The following IFIT5 variants were observed in gnomAD, a reference collection of about 807,000 sequenced individuals.
IFIT5 encodes the protein interferon-induced protein with tetratricopeptide repeats 5.
IFIT5 carries 2 observed loss-of-function variants against 5.0 expected under a neutral mutation model. The ratio of observed to expected loss-of-function variants is 0.40; its 90% CI spans 0.16 to 1.26. The LOEUF (loss-of-function observed/expected upper bound fraction) is 1.26, where lower values mean the gene tolerates loss of function less well. Ranked by LOEUF, IFIT5 falls within the 50% of genes most tolerant of loss-of-function variation. The pLI is 0.33. For missense variants in IFIT5, 524 were observed against 563.2 expected (o/e 0.93, Z 0.70); for synonymous variants, 206 against 204.6 (o/e 1.01, Z -0.06).
chr10:89,415,009 G>A (rs909193377), intron 1 of IFIT5, among the ~76,000 whole-genome samples: 9 of 152,178 alleles, frequency 5.9e-5, no homozygotes, highest in Admixed American at 2.0e-4. Context: ...GCCGGGGAGG[G>A]TGGCCGAGTG....
rs1000206130 is a variant in IFIT5 at position 89,420,849 on chromosome 10, T to A, written c.*2201T>A. 1 of 152,208 alleles carries A rather than the reference T, an allele frequency of 6.6e-6. No homozygotes were observed. Among genetic ancestry groups the A allele is most frequent in the Non-Finnish European group, 1.5e-5 (1 of 68,036 alleles). The allele number at this position is 152,208 out of a possible 1,614,324, so 9.4% of individuals were successfully genotyped here. A position where few individuals can be genotyped will look rare whatever the true frequency, so the allele number is the denominator to read the frequency against. ...AAAGTTTGGGAGCTACTGATGGACA[T>A]GTGAAAAGTAAGTATAAATGGAATA... is the stretch of plus-strand genomic sequence containing the variant. On this transcript the variant is annotated 3_prime_UTR_variant, in exon 2 of 2. Transcript: ENST00000371795.
rs920114660 is a variant in IFIT5, at chr10:89,417,987, A to G, written c.788A>G (p.Asn263Ser). ...RYAAKFYRRKNSWNKALELLK... is the reference protein window; with the variant it reads ...RYAAKFYRRKSSWNKALELLK... ...GCAGCCAAGTTCTATAGGAGAAAAA[A>G]TTCCTGGAACAAAGCTCTCGAACTT... The change falls in exon 2 of 2, where the codon AAT (asparagine) becomes AGT (serine). Residue 263 changes from asparagine (N) to serine (S), a missense_variant. Asn to Ser is a conservative substitution (Grantham distance 46). Coordinates refer to ENST00000371795, the MANE Select transcript of IFIT5 (RefSeq NM_012420.3). 6.2e-7 allele frequency: 1 copy of G among 1,614,070 alleles called. No homozygotes were observed. The highest frequency in any genetic ancestry group is 1.3e-5 in the African/African-American group (1 of 74,920).
At chr10:89,415,475 C>G (rs746854121) in intron 1 of IFIT5, among the ~76,000 whole-genome samples, 40 of 152,358 alleles carry the variant, frequency 2.6e-4, no homozygotes, top group Non-Finnish European at 1.0e-4. Flanking sequence ...GGAGCTACCT[C>G]TGTACCAAGC....
rs1841572022 is a variant in IFIT5, at chr10:89,418,901, C to T, written c.*253C>T. 6 of 310,728 alleles carry T rather than the reference C, an allele frequency of 1.9e-5. No homozygotes were observed. The Admixed American group carries it at 2.3e-4, about 12-fold the overall frequency. 19.2% of individuals were successfully genotyped at this position (310,728 alleles called of 1,614,324 possible). On this transcript the variant is annotated 3_prime_UTR_variant, in exon 2 of 2. Coordinates refer to ENST00000371795, the MANE Select transcript of IFIT5 (RefSeq NM_012420.3). ...AGCAATATTCTAGCTATTGTAACTT[C>T]TAAAAATGGTATGGCCATTAGATCT...
At chr10:89,415,369 G>A (rs1841525070) in intron 1 of IFIT5, among the ~76,000 whole-genome samples, 1 of 152,212 alleles carries the variant, frequency 6.6e-6, no homozygotes. Flanking sequence ...CCTCGGTGTG[G>A]CATACGCGGT....
rs893026697 is a variant in IFIT5 at position 89,417,224 on chromosome 10, T to G, written c.25T>G (p.Leu9Val). Residue 9 changes from leucine to valine, a missense_variant, in exon 2 of 2, where the codon TTG becomes GTG. Leu to Val is a conservative substitution (Grantham distance 32). Transcript: ENST00000371795. MSEIRKDT[L>V]KAILLELECH... The stretch of plus-strand genomic sequence containing the variant: ...TGACAGTGAAATTCGTAAGGACACC[T>G]TGAAGGCCATTCTGTTGGAGTTAGA... 1 of 1,602,052 alleles carries G rather than the reference T, an allele frequency of 6.2e-7. No individual in the cohort carries two copies.
chr10:89,415,204 G>C (rs923396365), intron 1 of IFIT5, among the ~76,000 whole-genome samples: 2 of 152,208 alleles, frequency 1.3e-5, no homozygotes, highest in African/African-American at 2.4e-5. Flanking sequence ...GGCTCTTCTC[G>C]GCAGCGGCGA....
Position 89,417,941 on chromosome 10 carries a change from C to A in IFIT5, c.742C>A (p.Gln248Lys). ...IEEILDQISS[Q>K]PYVLRYAAKF... ...AGAAATCCTGGACCAAATATCATCC[C>A]AGCCTTACGTCCTTCGTTATGCAGC... is the stretch of plus-strand genomic sequence containing the variant. The change falls in exon 2 of 2, where the codon CAG becomes AAG. Residue 248 changes from glutamine to lysine, a missense_variant. Coordinates refer to ENST00000371795, the MANE Select transcript of IFIT5 (RefSeq NM_012420.3). The A allele has an allele frequency of 6.2e-7, 1 of 1,614,164 alleles. No homozygotes were observed. Among genetic ancestry groups the A allele is most frequent in the Admixed American group, 1.7e-5 (1 of 60,022 alleles).
chr10:89,414,579 G>A lies in IFIT5; in HGVS notation c.-220G>A. On this transcript the variant is annotated 5_prime_UTR_variant, in exon 1 of 2. Transcript: ENST00000371795. ...ATTTCTTAAGTTTCAGTTTCTGAGC[G>A]CTCGGCATCTGATTCAATCTCCAGT... 2.2e-6 allele frequency: 1 copy of A among 461,312 alleles called. No homozygotes were observed. The highest frequency in any genetic ancestry group is 3.8e-6 in the Non-Finnish European group (1 of 264,038). 28.6% of individuals were successfully genotyped at this position (461,312 alleles called of 1,614,324 possible).
In IFIT5 at chr10:89,417,452, C is replaced by A. The variant is rs1841551214; in HGVS notation, c.253C>A (p.His85Asn). 4 of 1,614,186 alleles carry A rather than the reference C, an allele frequency of 2.5e-6. No individual in the cohort carries two copies. The highest frequency in any genetic ancestry group is 1.6e-4 in the Middle Eastern group (1 of 6,062). ...AGCAGAAGAAATAATCCAGCAAGAA[C>A]ACTCAGACAAAGAAGAAGTACGAAG... ...EQAEEIIQQE[H>N]SDKEEVRSLV... Residue 85 changes from histidine (H) to asparagine (N), a missense_variant, in exon 2 of 2, where the codon CAC becomes AAC. Physicochemically the swap from His to Asn is moderately conservative, Grantham distance 68. Coordinates refer to ENST00000371795, the MANE Select transcript of IFIT5 (RefSeq NM_012420.3).
In IFIT5 at chr10:89,418,727, A is replaced by T; in HGVS notation, c.*79A>T. 1 of 1,387,918 alleles carries T rather than the reference A, an allele frequency of 7.2e-7. No individual in the cohort carries two copies. The highest frequency in any genetic ancestry group is 9.8e-7 in the Non-Finnish European group (1 of 1,022,052). The allele number at this position is 1,387,918 out of a possible 1,614,324, so 86.0% of individuals were successfully genotyped here. A position where few individuals can be genotyped will look rare whatever the true frequency, so the allele number is the denominator to read the frequency against. The stretch of plus-strand genomic sequence containing the variant: ...TGTTTGTTTTTTTTTTATTATTTTA[A>T]TCCCTTGTTTATTATAGAGCTAATA... On this transcript the variant is annotated 3_prime_UTR_variant, in exon 2 of 2. Coordinates refer to ENST00000371795, the MANE Select transcript of IFIT5 (RefSeq NM_012420.3).
At chr10:89,414,841 G>T (rs755464189) in intron 1 of IFIT5, 38 bp downstream of exon 1, 1 of 1,603,978 alleles carries the variant, frequency 6.2e-7, no homozygotes, top group Non-Finnish European at 8.5e-7. Flanking sequence ...CAAGCCCTGC[G>T]TCGGCCTTGG....
At chr10:89,415,685 G>A (rs1436966793) in intron 1 of IFIT5, among the ~76,000 whole-genome samples, 1 of 152,194 alleles carries the variant, frequency 6.6e-6, no homozygotes, top group Non-Finnish European at 1.5e-5. Flanking sequence ...GGCTCTAAAA[G>A]CAGATAGTCC....
At position 89,417,444 on chromosome 10, in the gene IFIT5, A is replaced by G. The variant is rs1195972705; in HGVS notation, c.245A>G (p.Gln82Arg). ...TTGGAACAAGCAGAAGAAATAATCC[A>G]GCAAGAACACTCAGACAAAGAAGAA... ...ECLEQAEEII[Q>R]QEHSDKEEVR... Residue 82 changes from glutamine to arginine, a missense_variant, in exon 2 of 2, where the codon CAG becomes CGG. Transcript: ENST00000371795. 1 of 1,614,134 alleles carries G rather than the reference A, an allele frequency of 6.2e-7. No individual in the cohort carries two copies. The highest frequency in any genetic ancestry group is 1.3e-5 in the African/African-American group (1 of 74,952).
Position 89,417,254 on chromosome 10 carries a change from C to T in IFIT5, c.55C>T (p.His19Tyr), listed in dbSNP as rs1310055969. Residue 19 changes from histidine (H) to tyrosine (Y), a missense_variant, in exon 2 of 2, where the codon CAT becomes TAT. Coordinates refer to ENST00000371795, the MANE Select transcript of IFIT5 (RefSeq NM_012420.3). ...GGCCATTCTGTTGGAGTTAGAATGT[C>T]ATTTTACATGGAATTTACTTAAGGA... ...LKAILLELEC[H>Y]FTWNLLKEDI... The T allele has an allele frequency of 6.2e-7, 1 of 1,611,866 alleles. No individual in the cohort carries two copies. The highest frequency in any genetic ancestry group is 1.1e-5 in the South Asian group (1 of 90,966).
rs1417571809 is a variant in IFIT5, at chr10:89,419,124, G to C, written c.*476G>C. On this transcript the variant is annotated 3_prime_UTR_variant, in exon 2 of 2. Coordinates refer to ENST00000371795, the MANE Select transcript of IFIT5 (RefSeq NM_012420.3). ...GTTTTGACTTTGATGAGGATATTTA[G>C]CTATCAATCTAATAGTCACCTAAAA... The C allele has an allele frequency of 6.6e-6, 1 of 152,444 alleles. No individual in the cohort carries two copies. Among genetic ancestry groups the C allele is most frequent in the Non-Finnish European group, 1.5e-5 (1 of 68,252 alleles). 9.4% of individuals were successfully genotyped at this position (152,444 alleles called of 1,614,324 possible).
rs777262908 is a variant in IFIT5, at chr10:89,418,204, T to C, written c.1005T>C (p.Ser335=). The C allele has an allele frequency of 1.9e-6, 3 of 1,614,082 alleles. No individual in the cohort carries two copies. The highest frequency in any genetic ancestry group is 2.5e-6 in the Non-Finnish European group (3 of 1,180,022). Residue 335 remains serine (S), a synonymous_variant, in exon 2 of 2, where the codon TCT becomes TCC. Coordinates refer to ENST00000371795, the MANE Select transcript of IFIT5 (RefSeq NM_012420.3). ...TCAAAGCAGCCATGGAACGAGACTC[T>C]ATGTTTGCATTTGCCTACACAGACC... ...FHFKAAMERD[S]MFAFAYTDLA...
chr10:89,417,881 G>T lies in IFIT5; in HGVS notation c.682G>T (p.Val228Leu), dbSNP rs535431435. ...TTTTCTGGCACTGAAGCTTCAAGAT[G>T]TACATGCAGAAGCTGAAGGGGAAAA... ...KVFLALKLQD[V>L]HAEAEGEKYI... The change falls in exon 2 of 2, where the codon GTA (valine) becomes TTA (leucine). Residue 228 changes from valine (V) to leucine (L), a missense_variant. Val to Leu is a conservative substitution (Grantham distance 32, BLOSUM62 1). Coordinates refer to ENST00000371795, the MANE Select transcript of IFIT5 (RefSeq NM_012420.3). 3 of 1,614,178 alleles carry T rather than the reference G, an allele frequency of 1.9e-6. No individual in the cohort carries two copies. Among genetic ancestry groups the T allele is most frequent in the South Asian group, 2.2e-5 (2 of 91,086 alleles).
In IFIT5 at chr10:89,418,238, A is replaced by G. The variant is rs142354157; in HGVS notation, c.1039A>G (p.Met347Val). ...FAFAYTDLAN[M>V]YAEGGQYSNA... Reference sequence around the variant, plus strand: ...ATTTGCCTACACAGACCTGGCCAACATGTACGCTGAAGGAGGCCAGTATAG... The same window carrying G: ...ATTTGCCTACACAGACCTGGCCAACGTGTACGCTGAAGGAGGCCAGTATAG... The change falls in exon 2 of 2, where the codon ATG (methionine) becomes GTG (valine). Residue 347 changes from methionine to valine, a missense_variant. Transcript: ENST00000371795. The G allele has an allele frequency of 1.3e-4, 210 of 1,614,084 alleles. 1 individual carries two copies. Among genetic ancestry groups the G allele is most frequent in the Non-Finnish European group, 1.6e-4 (194 of 1,180,018 alleles).
Sources: allele counts gnomAD v4.1 joint callset (sites outside exome capture counted in the v4.1 genomes callset), GRCh38; gene constraint gnomAD v4.1.1; transcripts MANE v1.5; gene names NCBI Gene and HGNC (gene_info 2026-07-23, HGNC 2026-07-21).